MOB3B: variants seen among roughly 807,000 people sequenced by gnomAD.
MOB3B encodes MOB kinase activator 3B.
MOB3B carries 7 observed loss-of-function variants against 18.7 expected under a neutral mutation model. The observed-to-expected ratio is 0.37, with a 90% CI of 0.21 to 0.70. The LOEUF (loss-of-function observed/expected upper bound fraction) is 0.70, where lower values mean the gene tolerates loss of function less well. Among genes scored for constraint, MOB3B ranks in the 30% least tolerant of loss-of-function variants. The pLI is 0.52. For synonymous variants in MOB3B, 111 were observed against 99.9 expected (o/e 1.11, Z -0.66); for missense variants, 253 against 281.3 (o/e 0.90, Z 0.72).
At chr9:27,465,318 A>T (rs1819364870) in intron 1 of MOB3B, among the ~76,000 whole-genome samples, 1 of 152,136 alleles carries the variant, frequency 6.6e-6, no homozygotes, top group Non-Finnish European at 1.5e-5. Context: ...CTCCAAAATG[A>T]TCTCCTTTGA....
intron 2 of MOB3B, among the ~76,000 whole-genome samples, chr9:27,449,967 G>A (rs1248636664): frequency 7.0e-6 from 1 of 143,302 alleles, no homozygotes; most frequent in African/African-American, 2.6e-5. Context: ...AACAGAGCGA[G>A]ACTCTGTCTC....
intron 3 of MOB3B, among the ~76,000 whole-genome samples, chr9:27,339,456 G>T (rs1820910062): frequency 6.6e-6 from 1 of 152,220 alleles, no homozygotes; most frequent in South Asian, 2.1e-4. Context: ...ACAAGATGGG[G>T]CAGTGATAAG....
chr9:27,493,931 CTCT>C (rs1375443718), intron 1 of MOB3B, among the ~76,000 whole-genome samples: 12 of 152,310 alleles, frequency 7.9e-5, no homozygotes, highest in African/African-American at 2.6e-4. Context: ...AGCCATTTTT[CTCT>C]TCTTTCAAAA....
intron 1 of MOB3B, among the ~76,000 whole-genome samples, chr9:27,462,272 T>C (rs1427638624): frequency 6.6e-6 from 1 of 152,210 alleles, no homozygotes; most frequent in Non-Finnish European, 1.5e-5. Flanking sequence ...ATTTGGTATA[T>C]TATTTCCAGA....
At chr9:27,486,702 G>A (rs1223122313) in intron 1 of MOB3B, among the ~76,000 whole-genome samples, 1 of 152,226 alleles carries the variant, frequency 6.6e-6, no homozygotes, top group Non-Finnish European at 1.5e-5. Context: ...CCAGGCTAGT[G>A]TGACTGTGGG....
chr9:27,447,068 C>T (rs558565352), intron 2 of MOB3B, among the ~76,000 whole-genome samples: 2 of 152,228 alleles, frequency 1.3e-5, no homozygotes, highest in South Asian at 2.1e-4. Flanking sequence ...AGATAACACA[C>T]GTCCTTATGC....
chr9:27,340,714 C>T (rs76080910), intron 3 of MOB3B, among the ~76,000 whole-genome samples: 2,048 of 152,288 alleles, frequency 0.013, 48 homozygotes, highest in African/African-American at 0.047. Flanking sequence ...GATTTCTGCT[C>T]AGACTGATGC....
chr9:27,386,107 C>A (rs1821647637), intron 2 of MOB3B, among the ~76,000 whole-genome samples: 1 of 152,202 alleles, frequency 6.6e-6, no homozygotes, highest in African/African-American at 2.4e-5. Flanking sequence ...CAGGAGGCAG[C>A]TCATAGAAGA....
chr9:27,411,741 T>C (rs971601703), intron 2 of MOB3B, among the ~76,000 whole-genome samples: 7 of 152,324 alleles, frequency 4.6e-5, no homozygotes, highest in East Asian at 3.9e-4. Flanking sequence ...TTCTGAATGA[T>C]ACCGTTTTGG....
At chr9:27,453,757 G>A (rs1822828723) in intron 2 of MOB3B, among the ~76,000 whole-genome samples, 1 of 152,096 alleles carries the variant, frequency 6.6e-6, no homozygotes, top group South Asian at 2.1e-4. Context: ...GCTATTACAT[G>A]TTCAGCATAG....
intron 1 of MOB3B, among the ~76,000 whole-genome samples, chr9:27,503,124 G>A (rs1339784975): frequency 6.6e-6 from 1 of 152,122 alleles, no homozygotes; most frequent in African/African-American, 2.4e-5. Context: ...CTCAAATAAA[G>A]AGCTAGGGGT....
intron 1 of MOB3B, among the ~76,000 whole-genome samples, chr9:27,497,319 T>C (rs1288073013): frequency 6.6e-6 from 1 of 152,292 alleles, no homozygotes; most frequent in African/African-American, 2.4e-5. Context: ...CACAACATTG[T>C]TTAATATTTA....
intron 3 of MOB3B, among the ~76,000 whole-genome samples, chr9:27,358,126 A>T (rs531924232): frequency 6.6e-6 from 1 of 152,120 alleles, no homozygotes; most frequent in Admixed American, 6.5e-5. Context: ...GAAAGGGATA[A>T]AGGGTGGCAA....
At position 27,489,911 on chromosome 9, in the gene MOB3B, T is replaced by G. The variant is rs551152865; in HGVS notation, c.-198-34163A>C. ...ACAACTATTAAACTTGACTTTATAT[T>G]GTTTATGGATTCATTCACATATATA... On this transcript the variant is annotated intron_variant, in intron 1 of 3. Coordinates refer to ENST00000262244, the MANE Select transcript of MOB3B (RefSeq NM_024761.5). 2.6e-5 allele frequency among the ~76,000 whole-genome samples: 4 copies of G among 152,196 alleles called. No homozygotes were observed. In the South Asian group the frequency reaches 6.2e-4, roughly 24 times the overall value.
intron 1 of MOB3B, among the ~76,000 whole-genome samples, chr9:27,523,464 C>CAAAAAAAAAA (rs55637136): frequency 7.1e-6 from 1 of 141,684 alleles, no homozygotes; most frequent in Non-Finnish European, 1.5e-5. Context: ...TAAACTGCAC[C>CAAAAAAAAAA]AAAAAAAAAA....
At chr9:27,503,942 A>C (rs1282350717) in intron 1 of MOB3B, among the ~76,000 whole-genome samples, 1 of 152,192 alleles carries the variant, frequency 6.6e-6, no homozygotes, top group East Asian at 1.9e-4. Flanking sequence ...CCCCCTGTGC[A>C]TCACAGCCAT....
At chr9:27,445,790 A>T (rs1203108535) in intron 2 of MOB3B, among the ~76,000 whole-genome samples, 2 of 152,154 alleles carry the variant, frequency 1.3e-5, no homozygotes, top group African/African-American at 4.8e-5. Flanking sequence ...CACATCAGGC[A>T]TTAGGGTAAT....
At chr9:27,330,686 G>A (rs772791080) in intron 3 of MOB3B, 70 bp from the exon 4 acceptor site, 203 of 1,604,096 alleles carry the variant, frequency 1.3e-4, no homozygotes, top group Non-Finnish European at 1.7e-4. Flanking sequence ...GAAGGATCCT[G>A]AAAATGCTCT....
chr9:27,438,092 T>C (rs1822539589), intron 2 of MOB3B, among the ~76,000 whole-genome samples: 2 of 152,210 alleles, frequency 1.3e-5, no homozygotes, highest in African/African-American at 2.4e-5. Context: ...GTTTACCTTT[T>C]AGAAGCTGGA....
Sources: allele counts gnomAD v4.1 joint callset (sites outside exome capture counted in the v4.1 genomes callset), GRCh38; gene constraint gnomAD v4.1.1; transcripts MANE v1.5; gene names NCBI Gene and HGNC (gene_info 2026-07-23, HGNC 2026-07-21).